The following OTUD7B variants were observed in gnomAD, a reference collection of about 807,000 sequenced individuals.
OTUD7B encodes OTU domain-containing protein 7B.
Under a neutral mutation model 82.2 loss-of-function variants are expected in OTUD7B, and 34 were observed. The observed-to-expected ratio is 0.41, with a 90% CI of 0.31 to 0.55. OTUD7B has a LOEUF of 0.55. Ranked by LOEUF, OTUD7B falls within the 20% of genes least tolerant of loss-of-function variation. The probability of loss-of-function intolerance (pLI) is 0.20; values close to 1 mark genes in which losing one functional copy is unlikely to be tolerated. For synonymous variants in OTUD7B, 398 were observed against 402.7 expected, an observed-to-expected ratio of 0.99 and a Z score of 0.14; for missense variants, 944 against 1,062.1, an observed-to-expected ratio of 0.89 and a Z score of 1.55.
Position 149,944,793 on chromosome 1 carries a change from A to G in OTUD7B, c.1596T>C (p.Pro532=), listed in dbSNP as rs1553771648. ...CTCCCAACCCTGTCCCCACCCCTCC[A>G]GGCTTTGAACCCTTGCTGTGCATCA... ...GGLMHSKGSK[P]GGVGTGLGGS... Residue 532 remains proline (P), a synonymous_variant, in exon 12 of 12, where the codon CCT becomes CCC. Transcript: ENST00000581312. 4 of 1,613,512 alleles carry G rather than the reference A, an allele frequency of 2.5e-6. No homozygotes were observed. Among genetic ancestry groups the G allele is most frequent in the Non-Finnish European group, 3.4e-6 (4 of 1,179,900 alleles).
At chr1:150,028,527 A>T in the OTUD7B span, among the ~76,000 whole-genome samples, 16 of 152,156 alleles carry the variant, frequency 1.1e-4, no homozygotes, top group African/African-American at 3.9e-4. Context: ...TGCAATCATG[A>T]CCACCATCCA....
chr1:150,011,242 A>AT (rs2101960049), upstream of OTUD7B, among the ~76,000 whole-genome samples: 1 of 152,324 alleles, frequency 6.6e-6, no homozygotes, highest in East Asian at 1.9e-4. Flanking sequence ...ATTTACTTGC[A>AT]TAACAGTGAT....
intron 1 of OTUD7B, among the ~76,000 whole-genome samples, chr1:149,988,759 C>T (rs1201827230): frequency 2.6e-5 from 4 of 152,142 alleles, no homozygotes; most frequent in African/African-American, 9.7e-5. Flanking sequence ...TTATTCCTTT[C>T]AACTAAGGCC....
the OTUD7B span, among the ~76,000 whole-genome samples, chr1:150,028,926 G>A: frequency 1.3e-5 from 2 of 152,190 alleles, no homozygotes; most frequent in East Asian, 1.9e-4. Flanking sequence ...TGTCCTCAAG[G>A]TTCATCCATA....
At chr1:149,977,404 A>G in intron 2 of OTUD7B, 22 bp downstream of exon 2, 1 of 1,541,142 alleles carries the variant, frequency 6.5e-7, no homozygotes, top group Non-Finnish European at 9.0e-7. Context: ...CTCTTTTCTC[A>G]TTCTCCCCTA....
In OTUD7B at chr1:149,971,347, G is replaced by T. The variant is rs148117154; in HGVS notation, c.86-96C>A. The T allele has an allele frequency of 4.7e-4, 325 of 694,550 alleles. No individual in the cohort carries two copies. In the African/African-American group the frequency reaches 5.3e-3, roughly 11 times the overall value. 43.0% of individuals were successfully genotyped at this position (694,550 alleles called of 1,614,324 possible). ...CCTATCAAAACCAGTATGCAAATAC[G>T]CATGCACATAATCATTCTTCTTTTC... On this transcript the variant is annotated intron_variant, in intron 2 of 11. Transcript: ENST00000581312.
chr1:150,032,068 T>TGG, the OTUD7B span, among the ~76,000 whole-genome samples: 1 of 151,702 alleles, frequency 6.6e-6, no homozygotes, highest in Non-Finnish European at 1.5e-5. Context: ...CCCAGCACTT[T>TGG]GGGAGGCTGA....
chr1:150,004,863 A>AT (rs1197951088), intron 1 of OTUD7B, among the ~76,000 whole-genome samples: 1 of 151,844 alleles, frequency 6.6e-6, no homozygotes, highest in Non-Finnish European at 1.5e-5. Flanking sequence ...TTATTCATTT[A>AT]TTTTTTTATT....
intron 1 of OTUD7B, among the ~76,000 whole-genome samples, chr1:149,978,974 G>A (rs772335112): frequency 6.6e-6 from 1 of 150,896 alleles, no homozygotes; most frequent in Admixed American, 6.6e-5. Flanking sequence ...AAGATTTGTG[G>A]GTTATAAAAC....
Position 149,964,357 on chromosome 1 carries a change from A to G in OTUD7B, c.605-8T>C. 2 of 1,611,474 alleles carry G rather than the reference A, an allele frequency of 1.2e-6. No individual in the cohort carries two copies. Among genetic ancestry groups the G allele is most frequent in the Non-Finnish European group, 1.7e-6 (2 of 1,178,770 alleles). ...CATGGAAACCCCACATTCCTGTGGCAAAAAAGCATAATGGTAAGATACCTC... is the reference window on the plus strand; with the variant it reads ...CATGGAAACCCCACATTCCTGTGGCGAAAAAGCATAATGGTAAGATACCTC... On this transcript the variant is annotated splice_region_variant and splice_polypyrimidine_tract_variant and intron_variant, in intron 5 of 11. Coordinates refer to ENST00000581312, the MANE Select transcript of OTUD7B (RefSeq NM_020205.4).
Position 149,965,473 on chromosome 1 carries a change from C to T in OTUD7B, c.604+304G>A, listed in dbSNP as rs367652982. On this transcript the variant is annotated intron_variant, in intron 5 of 11. Transcript: ENST00000581312. Reference sequence around the variant, plus strand: ...AATAAATATTAAGTAGAATTGTACACATACACACATCTAGCTATACACTGC... The same window carrying T: ...AATAAATATTAAGTAGAATTGTACATATACACACATCTAGCTATACACTGC... Among the ~76,000 whole-genome samples the T allele has an allele frequency of 3.8e-4, 58 of 152,322 alleles. No homozygotes were observed. The South Asian group carries it at 0.012, about 30-fold the overall frequency.
At chr1:150,032,729 G>T in the OTUD7B span, among the ~76,000 whole-genome samples, 1 of 151,942 alleles carries the variant, frequency 6.6e-6, no homozygotes, top group Non-Finnish European at 1.5e-5. Context: ...AGAAGAAGAA[G>T]AAAGTATACC....
Position 149,971,070 on chromosome 1 carries a change from G to A in OTUD7B, c.267C>T (p.Ile89=), listed in dbSNP as rs782665835. ...TTCCAGTCACCCCAGTACCTTGAAC[G>A]ATGTCATCCTGCCGCTGGAGGATGG... The part of the protein sequence containing the change: ...PRPILQRQDD[I]VQEKRLSRGI... Residue 89 remains isoleucine (I), a synonymous_variant, in exon 3 of 12, where the codon ATC becomes ATT. Transcript: ENST00000581312. 1.0e-5 allele frequency: 16 copies of A among 1,604,644 alleles called. No homozygotes were observed. The Admixed American group carries it at 1.0e-4, about 10-fold the overall frequency.
At position 149,938,769 on chromosome 1, in the gene OTUD7B, A is replaced by AAAAT. The variant is rs2092743519; in HGVS notation, c.*5087_*5088insATTT. 1 of 1,060 alleles carries AAAAT rather than the reference A, an allele frequency of 9.4e-4. No homozygotes were observed. The highest frequency in any genetic ancestry group is 0.029 in the Admixed American group (1 of 34). 0.1% of individuals were successfully genotyped at this position (1,060 alleles called of 1,614,324 possible). ...CCCCCGACTCTAACTAAAAAAAAAAAAAAAAAAAAAAATTAAGCCAGGCAT... is the reference window on the plus strand; with the variant it reads ...CCCCCGACTCTAACTAAAAAAAAAAAAAATAAAAAAAAAAAATTAAGCCAGGCAT... On this transcript the variant is annotated 3_prime_UTR_variant, in exon 12 of 12. Coordinates refer to ENST00000581312, the MANE Select transcript of OTUD7B (RefSeq NM_020205.4).
chr1:149,985,938 G>C (rs1651104552), intron 1 of OTUD7B, among the ~76,000 whole-genome samples: 1 of 152,000 alleles, frequency 6.6e-6, no homozygotes, highest in African/African-American at 2.4e-5. Context: ...GGTGTAGCAG[G>C]TGAATTCTCA....
chr1:150,006,523 T>C (rs1652685748), intron 1 of OTUD7B, among the ~76,000 whole-genome samples: 1 of 152,126 alleles, frequency 6.6e-6, no homozygotes, highest in South Asian at 2.1e-4. Context: ...GTTTAGTAAT[T>C]TTTCTTATCT....
At chr1:149,947,542 A>G (rs1647849488) in intron 10 of OTUD7B, among the ~76,000 whole-genome samples, 1 of 152,170 alleles carries the variant, frequency 6.6e-6, no homozygotes, top group Admixed American at 6.5e-5. Flanking sequence ...GAGAATGGGT[A>G]TAGATAATAT....
chr1:149,953,620 T>G (rs1323011220), intron 7 of OTUD7B, among the ~76,000 whole-genome samples: 2 of 152,144 alleles, frequency 1.3e-5, no homozygotes, highest in Non-Finnish European at 2.9e-5. Context: ...TGGCACTGAG[T>G]CTATAAATTA....
chr1:149,971,291 A>T (rs1553777638), intron 2 of OTUD7B, 40 bp from the exon 3 acceptor site: 10 of 1,445,264 alleles, frequency 6.9e-6, no homozygotes, highest in Non-Finnish European at 9.6e-6. Context: ...GTGCAACCAT[A>T]GTATAGAGAC....
Sources: gnomAD v4.1 joint callset for allele counts (sites outside exome capture counted in the v4.1 genomes callset) on GRCh38, gnomAD v4.1.1 for gene constraint, MANE v1.5 for transcripts, NCBI Gene and HGNC (gene_info 2026-07-23, HGNC 2026-07-21) for gene names.